Variants in MAP7D2 observed in about 807,000 individuals in gnomAD.
The protein encoded by MAP7D2 is MAP7 domain-containing protein 2.
A neutral mutation model predicts 63.5 loss-of-function variants in MAP7D2; 33 were observed. That is an observed-to-expected ratio of 0.52 (90% confidence interval 0.39 to 0.70). MAP7D2 has a LOEUF of 0.70. Among genes scored for constraint, MAP7D2 ranks in the 30% least tolerant of loss-of-function variants. The pLI is 0.00. For synonymous variants in MAP7D2, 224 were observed against 223.7 expected (o/e 1.00, Z -0.01); for missense variants, 626 against 604.0 (o/e 1.04, Z -0.38).
At chrX:20,099,146 C>T (rs1391347167) in intron 1 of MAP7D2, among the ~76,000 whole-genome samples, 5 of 111,948 alleles carry the variant, frequency 4.5e-5, no homozygotes, top group Middle Eastern at 4.6e-3. Flanking sequence ...CTTCAAAGAC[C>T]GACTCCCTTT....
intron 10 of MAP7D2, among the ~76,000 whole-genome samples, chrX:20,020,134 AC>A (rs1344050046): frequency 1.8e-5 from 2 of 111,700 alleles, no homozygotes; most frequent in African/African-American, 6.5e-5. Context: ...CTCCTCTATG[AC>A]ATTACTGCTC....
intron 3 of MAP7D2, among the ~76,000 whole-genome samples, chrX:20,058,603 C>T: frequency 8.9e-6 from 1 of 111,999 alleles, no homozygotes; most frequent in Middle Eastern, 4.7e-3. Context: ...AAAACTACCC[C>T]TGCCATCCAT....
Position 20,025,044 on chromosome X carries a change from T to C in MAP7D2, c.1319A>G (p.Glu440Gly), listed in dbSNP as rs1481636818. The change falls in exon 10 of 17, where the codon GAG (glutamate) becomes GGG (glycine). Residue 440 changes from glutamate to glycine, a missense_variant. Physicochemically the swap from Glu to Gly is moderately conservative, Grantham distance 98. Transcript: ENST00000379643. ...CTTTTCAGCCAAGATCTTCGCAGCC[T>C]CTCCTGCATCAGTGGTGCCTGCTGT... Reference protein sequence around the residue: ...KPTAGTTDAGEAAKILAEKRR... With the variant: ...KPTAGTTDAGGAAKILAEKRR... 8.3e-7 allele frequency: 1 copy of C among 1,208,226 alleles called. No individual in the cohort carries two copies. Among genetic ancestry groups the C allele is most frequent in the East Asian group, 3.0e-5 (1 of 33,641 alleles).
At chrX:20,051,561 A>C (rs966458669) in intron 5 of MAP7D2, among the ~76,000 whole-genome samples, 1 of 102,542 alleles carries the variant, frequency 9.8e-6, no homozygotes, top group Non-Finnish European at 2.0e-5. Context: ...AAAAACAAAC[A>C]AAAAAAAAAC....
chrX:20,015,054 T>C (rs1389999905), intron 12 of MAP7D2, among the ~76,000 whole-genome samples, 169 bp downstream of exon 12: 1 of 111,519 alleles, frequency 9.0e-6, no homozygotes, highest in Non-Finnish European at 1.9e-5. Context: ...CAATCACTGA[T>C]GGAACGAGAT....
chrX:20,097,559 C>T (rs1046985244), intron 1 of MAP7D2, among the ~76,000 whole-genome samples: 1 of 112,219 alleles, frequency 8.9e-6, no homozygotes, highest in African/African-American at 3.2e-5. Flanking sequence ...GAAAAATGAA[C>T]GCTACTGTCA....
At chrX:20,041,084 G>A (rs1349304935) in intron 8 of MAP7D2, among the ~76,000 whole-genome samples, 2 of 111,764 alleles carry the variant, frequency 1.8e-5, no homozygotes, top group African/African-American at 6.5e-5. Context: ...CAGGGACCAT[G>A]AGTCCAAATT....
At chrX:20,012,301 A>C (rs2073228542) in intron 15 of MAP7D2, 48 bp downstream of exon 15, 1 of 952,133 alleles carries the variant, frequency 1.1e-6, no homozygotes, top group Admixed American at 3.1e-5. Context: ...AAGAAAGGGT[A>C]GTGTTTCGAG....
chrX:20,046,950 A>C (rs1294633974), intron 6 of MAP7D2, among the ~76,000 whole-genome samples: 1 of 112,880 alleles, frequency 8.9e-6, no homozygotes, highest in African/African-American at 3.2e-5. Flanking sequence ...TGCTCCTGGA[A>C]GCGCTCTCCT....
At chrX:20,037,946 C>G (rs1486083010) in intron 8 of MAP7D2, among the ~76,000 whole-genome samples, 1 of 111,663 alleles carries the variant, frequency 9.0e-6, no homozygotes. Flanking sequence ...CACAATGGGT[C>G]CATGAACAAA....
At chrX:20,080,150 T>G (rs2065740579) in intron 1 of MAP7D2, among the ~76,000 whole-genome samples, 1 of 110,991 alleles carries the variant, frequency 9.0e-6, no homozygotes, top group African/African-American at 3.3e-5. Flanking sequence ...GCACAGCATA[T>G]TCTATTCACA....
intron 1 of MAP7D2, among the ~76,000 whole-genome samples, chrX:20,103,739 T>A (rs907516240): frequency 4.5e-5 from 5 of 112,355 alleles, no homozygotes; most frequent in African/African-American, 1.6e-4. Context: ...AACAGCCACA[T>A]GTGGCTAGTG....
At chrX:20,057,593 G>C (rs994075933) in intron 3 of MAP7D2, among the ~76,000 whole-genome samples, 4 of 111,531 alleles carry the variant, frequency 3.6e-5, no homozygotes, top group Non-Finnish European at 5.6e-5. Context: ...CAGTGAAGGT[G>C]CTCTAATTCT....
At chrX:20,063,237 CTA>C (rs2065265640) in intron 3 of MAP7D2, among the ~76,000 whole-genome samples, 175 bp downstream of exon 3, 1 of 112,131 alleles carries the variant, frequency 8.9e-6, no homozygotes, top group Admixed American at 9.4e-5. Flanking sequence ...CTCTGCGGTT[CTA>C]TGTCAGTGCT....
intron 1 of MAP7D2, among the ~76,000 whole-genome samples, chrX:20,075,997 A>G (rs1021674689): frequency 2.0e-4 from 22 of 111,388 alleles, no homozygotes; most frequent in African/African-American, 6.9e-4. Context: ...TTCTAATCCA[A>G]TGATTCTCAA....
chrX:20,092,598 T>TA (rs1469212814), intron 1 of MAP7D2, among the ~76,000 whole-genome samples: 79 of 112,063 alleles, frequency 7.0e-4, no homozygotes, highest in African/African-American at 2.4e-3. Context: ...GCCAGGATGG[T>TA]ATATAAAGCC....
At chrX:20,091,527 AG>A (rs1425420853) in intron 1 of MAP7D2, among the ~76,000 whole-genome samples, 2 of 109,919 alleles carry the variant, frequency 1.8e-5, no homozygotes, top group African/African-American at 3.3e-5. Context: ...AAAATTAGCC[AG>A]GCATGGTGGT....
intron 8 of MAP7D2, among the ~76,000 whole-genome samples, chrX:20,026,249 T>A (rs2073840127): frequency 8.9e-6 from 1 of 112,051 alleles, no homozygotes; most frequent in Non-Finnish European, 1.9e-5. Flanking sequence ...GGCACTTCCC[T>A]ACTCCCTCTT....
intron 1 of MAP7D2, among the ~76,000 whole-genome samples, chrX:20,088,452 A>G (rs1417364377): frequency 1.2e-4 from 10 of 82,107 alleles, no homozygotes; most frequent in Non-Finnish European, 1.7e-4. Context: ...ACCCCACCAC[A>G]CCCAGCTAAT....
Sources: gnomAD v4.1 joint callset for allele counts (sites outside exome capture counted in the v4.1 genomes callset) on GRCh38, gnomAD v4.1.1 for gene constraint, MANE v1.5 for transcripts, NCBI Gene and HGNC (gene_info 2026-07-23, HGNC 2026-07-21) for gene names.